Variants in CAMTA1 observed in about 807,000 individuals in gnomAD.
The protein encoded by CAMTA1 is calmodulin-binding transcription activator 1.
CAMTA1 carries 27 observed loss-of-function variants against 170.9 expected under a neutral mutation model. The observed-to-expected ratio is 0.16, with a 90% CI of 0.12 to 0.22. The LOEUF (loss-of-function observed/expected upper bound fraction) is 0.22. CAMTA1 is among the 10% of genes least tolerant of loss of function. CAMTA1 has a pLI of 1.00. For missense variants in CAMTA1, 1,619 were observed against 2,217.2 expected (o/e 0.73, Z 5.42); for synonymous variants, 833 against 891.5 (o/e 0.93, Z 1.17).
intron 6 of CAMTA1, among the ~76,000 whole-genome samples, chr1:7,535,938 A>G (rs2094544195): frequency 6.6e-6 from 1 of 152,252 alleles, no homozygotes; most frequent in Non-Finnish European, 1.5e-5. Context: ...TGTTTGAATC[A>G]GAACAAAATG....
chr1:7,126,342 ACC>A (rs1644932109), intron 4 of CAMTA1, among the ~76,000 whole-genome samples: 1 of 152,058 alleles, frequency 6.6e-6, no homozygotes, highest in Non-Finnish European at 1.5e-5. Context: ...CGTGCCTTCT[ACC>A]CCCTCCCTAA....
chr1:7,150,331 T>C (rs1646499902), intron 4 of CAMTA1, among the ~76,000 whole-genome samples: 1 of 152,112 alleles, frequency 6.6e-6, no homozygotes, highest in Non-Finnish European at 1.5e-5. Flanking sequence ...GAAATGCTTC[T>C]CCAACTGGAG....
At chr1:7,211,713 G>T (rs986174362) in intron 4 of CAMTA1, among the ~76,000 whole-genome samples, 1 of 152,210 alleles carries the variant, frequency 6.6e-6, no homozygotes. Flanking sequence ...TTTCAGCAGA[G>T]AATGGTTTCT....
chr1:7,131,522 C>CTTT (rs58819912), intron 4 of CAMTA1, among the ~76,000 whole-genome samples: 3 of 126,696 alleles, frequency 2.4e-5, no homozygotes, highest in East Asian at 2.3e-4. Flanking sequence ...ATCGTCTTTT[C>CTTT]TTTTTTTTTT....
At chr1:6,997,936 G>T (rs1424268749) in intron 3 of CAMTA1, among the ~76,000 whole-genome samples, 1 of 151,668 alleles carries the variant, frequency 6.6e-6, no homozygotes, top group Non-Finnish European at 1.5e-5. Context: ...TGGGATTAAA[G>T]GTGTGAGCCA....
In CAMTA1 at chr1:7,130,673, G is replaced by A. The variant is rs760574188; in HGVS notation, c.302+39302G>A. Among the ~76,000 whole-genome samples the A allele has an allele frequency of 2.7e-4, 41 of 152,120 alleles. 1 individual carries two copies. The highest frequency in any genetic ancestry group is 1.2e-3 in the Admixed American group (19 of 15,266). On this transcript the variant is annotated intron_variant, in intron 4 of 22. Transcript: ENST00000303635. Reference sequence around the variant, plus strand: ...AAAATTTTTAGCTAATCTAGTGTATGTGTGGACGCATCTCTAATGACGGAT... The same window carrying A: ...AAAATTTTTAGCTAATCTAGTGTATATGTGGACGCATCTCTAATGACGGAT...
intron 4 of CAMTA1, among the ~76,000 whole-genome samples, chr1:7,196,120 G>A (rs1006721026): frequency 2.0e-5 from 3 of 152,142 alleles, no homozygotes; most frequent in African/African-American, 7.2e-5. Flanking sequence ...TCACGGGTCA[G>A]GTTTCCCCCT....
At chr1:6,819,958 A>G (rs914503529) in intron 1 of CAMTA1, among the ~76,000 whole-genome samples, 4 of 152,214 alleles carry the variant, frequency 2.6e-5, no homozygotes, top group Non-Finnish European at 2.9e-5. Context: ...TGTCTCTTCA[A>G]TCTCTTAATA....
intron 3 of CAMTA1, among the ~76,000 whole-genome samples, chr1:6,936,744 T>C (rs1291864116): frequency 6.6e-6 from 1 of 152,064 alleles, no homozygotes; most frequent in Non-Finnish European, 1.5e-5. Context: ...ATCCCAGCAC[T>C]TTGGGAGGCC....
chr1:6,822,571 C>G (rs1349352097), intron 2 of CAMTA1, among the ~76,000 whole-genome samples: 1 of 152,060 alleles, frequency 6.6e-6, no homozygotes, highest in Non-Finnish European at 1.5e-5. Flanking sequence ...AAAAACTGAT[C>G]AAGGGGAACC....
At position 7,681,575 on chromosome 1, in the gene CAMTA1, C is replaced by T. The variant is rs1308317118; in HGVS notation, c.2914+3842C>T. ...CCAGGGAGGTCTGAGCAGGCCAGCT[C>T]TTCATACAAAGATGCAAGGGGGACC... On this transcript the variant is annotated intron_variant, in intron 11 of 22. Coordinates refer to ENST00000303635, the MANE Select transcript of CAMTA1 (RefSeq NM_015215.4). This position sits in a 1 kb window ranked among gnomAD's most constrained non-coding sequence, Gnocchi z 4.6. Among the ~76,000 whole-genome samples, 13 of 152,348 alleles carry T rather than the reference C, an allele frequency of 8.5e-5. No individual in the cohort carries two copies. The South Asian group carries it at 2.7e-3, about 32-fold the overall frequency.
At position 7,426,644 on chromosome 1, in the gene CAMTA1, G is replaced by A. The variant is rs1282990159; in HGVS notation, c.439-41186G>A. Among the ~76,000 whole-genome samples, 3 of 151,808 alleles carry A rather than the reference G, an allele frequency of 2.0e-5. No individual in the cohort carries two copies. Among genetic ancestry groups the A allele is most frequent in the South Asian group, 2.1e-4 (1 of 4,758 alleles). On this transcript the variant is annotated intron_variant, in intron 5 of 22. Transcript: ENST00000303635. The surrounding 1 kb of genome is among the most constrained non-coding windows in gnomAD (Gnocchi z 4.8). ...GCTTCTGTGATTGGGGGCTGATGGC[G>A]ACTGTGCAAAAAAGCAGGGGTTGGG...
chr1:6,957,580 C>G (rs1336077604), intron 3 of CAMTA1, among the ~76,000 whole-genome samples: 1 of 152,178 alleles, frequency 6.6e-6, no homozygotes, highest in East Asian at 1.9e-4. Flanking sequence ...CAAGTCAAGT[C>G]TCTTTCAGAG....
intron 3 of CAMTA1, among the ~76,000 whole-genome samples, chr1:7,009,692 G>A (rs536900874): frequency 2.6e-5 from 4 of 152,332 alleles, no homozygotes; most frequent in South Asian, 2.1e-4. Flanking sequence ...GCCCCGGTCC[G>A]GGCTGCACTC....
chr1:6,935,074 T>TA (rs1473043652), intron 3 of CAMTA1, among the ~76,000 whole-genome samples: 1 of 152,198 alleles, frequency 6.6e-6, no homozygotes, highest in Non-Finnish European at 1.5e-5. Context: ...TTGGGATTCA[T>TA]AAAAAGAAAT....
chr1:7,478,564 A>C (rs7537354), intron 6 of CAMTA1, among the ~76,000 whole-genome samples: 7,516 of 152,274 alleles, frequency 0.049, 405 homozygotes, highest in African/African-American at 0.14. Context: ...GGAAATTATT[A>C]ATTAGTCTTA....
intron 3 of CAMTA1, among the ~76,000 whole-genome samples, chr1:6,837,540 G>T (rs999818685): frequency 6.6e-6 from 1 of 152,138 alleles, no homozygotes; most frequent in Non-Finnish European, 1.5e-5. Flanking sequence ...CTGAGAAAGG[G>T]TACATTAAAA....
chr1:7,227,613 G>A (rs1463755640), intron 4 of CAMTA1, among the ~76,000 whole-genome samples: 1 of 152,238 alleles, frequency 6.6e-6, no homozygotes, highest in Non-Finnish European at 1.5e-5. Flanking sequence ...ACAGGCATGA[G>A]CCATTGCTCC....
At chr1:7,404,854 A>T (rs2090175530) in intron 5 of CAMTA1, among the ~76,000 whole-genome samples, 1 of 152,220 alleles carries the variant, frequency 6.6e-6, no homozygotes, top group Non-Finnish European at 1.5e-5. Flanking sequence ...TAGTCAAAGG[A>T]ATCTGGAGTA....
Sources: gnomAD v4.1 joint callset for allele counts (sites outside exome capture counted in the v4.1 genomes callset) on GRCh38, gnomAD v4.1.1 for gene constraint, Gnocchi (gnomAD v3.1) non-coding constraint, MANE v1.5 for transcripts, NCBI Gene and HGNC (gene_info 2026-07-23, HGNC 2026-07-21) for gene names.